The following DSCAM variants were observed in gnomAD, a reference collection of about 807,000 sequenced individuals.
DSCAM encodes cell adhesion molecule DSCAM.
A neutral mutation model predicts 217.7 loss-of-function variants in DSCAM; 47 were observed. That is an observed-to-expected ratio of 0.22 (90% CI 0.17 to 0.28). DSCAM has a LOEUF of 0.28. DSCAM is among the 10% of genes least tolerant of loss of function. DSCAM has a pLI of 1.00. For missense variants in DSCAM, 2,080 were observed against 2,618.3 expected, an observed-to-expected ratio of 0.79 and a Z score of 4.49; for synonymous variants, 1,056 against 1,015.3, an observed-to-expected ratio of 1.04 and a Z score of -0.76.
intron 11 of DSCAM, among the ~76,000 whole-genome samples, chr21:40,272,677 C>T (rs913315336): frequency 6.6e-6 from 1 of 152,126 alleles, no homozygotes; most frequent in African/African-American, 2.4e-5. Context: ...ACAGCCAGCA[C>T]CAGGCCATCC....
intron 2 of DSCAM, 129 bp from the exon 3 acceptor site, chr21:40,693,085 T>C: frequency 2.8e-6 from 3 of 1,069,956 alleles, no homozygotes; most frequent in South Asian, 2.3e-5. Context: ...GGAAAACAGT[T>C]AAGATGCCTA....
At chr21:40,647,756 C>G (rs2089964775) in intron 3 of DSCAM, among the ~76,000 whole-genome samples, 1 of 152,196 alleles carries the variant, frequency 6.6e-6, no homozygotes, top group Non-Finnish European at 1.5e-5. Context: ...TTTTTCATTT[C>G]ATAATGCAGA....
chr21:40,030,186 TCCCTCCCTCTCA>T (rs962281036), intron 32 of DSCAM, among the ~76,000 whole-genome samples: 9 of 152,284 alleles, frequency 5.9e-5, no homozygotes, highest in Admixed American at 4.6e-4. Flanking sequence ...GAAGGCTTGC[TCCCTCCCTCTCA>T]GCCTCCCTGC....
In DSCAM at chr21:40,396,820, T is replaced by C. The variant is rs116078133; in HGVS notation, c.509-27575A>G. ...AGTTTCTTTTGAATAAACATAGAAATTGACCCTCCCAGTCTTACAACTTGA... is the reference window on the plus strand; with the variant it reads ...AGTTTCTTTTGAATAAACATAGAAACTGACCCTCCCAGTCTTACAACTTGA... On this transcript the variant is annotated intron_variant, in intron 3 of 32. Transcript: ENST00000400454. 2.2e-3 allele frequency among the ~76,000 whole-genome samples: 341 copies of C among 152,282 alleles called. 2 individuals are homozygous for C. Among genetic ancestry groups the C allele is most frequent in the African/African-American group, 7.9e-3 (329 of 41,560 alleles).
intron 3 of DSCAM, among the ~76,000 whole-genome samples, chr21:40,544,839 T>C (rs1421445365): frequency 6.6e-6 from 1 of 151,946 alleles, no homozygotes; most frequent in Non-Finnish European, 1.5e-5. Context: ...CATTTGATAG[T>C]CAAATTGAAC....
At chr21:40,650,644 T>A (rs1812234) in intron 3 of DSCAM, among the ~76,000 whole-genome samples, 7 of 152,038 alleles carry the variant, frequency 4.6e-5, no homozygotes, top group East Asian at 3.9e-4. Context: ...GGCTGGGCAC[T>A]GTGGCTCACG....
chr21:40,635,553 C>T (rs373140573), intron 3 of DSCAM, among the ~76,000 whole-genome samples: 4 of 152,030 alleles, frequency 2.6e-5, no homozygotes, highest in African/African-American at 4.8e-5. Context: ...CAGTGTATGC[C>T]GGTGTGTGCG....
At chr21:40,620,386 G>GAAAGAAAGAGAA (rs1555872444) in intron 3 of DSCAM, among the ~76,000 whole-genome samples, 1 of 91,540 alleles carries the variant, frequency 1.1e-5, no homozygotes, top group African/African-American at 3.6e-5. Flanking sequence ...AAGAAAGAAA[G>GAAAGAAAGAGAA]AGAAAGAAAG....
At chr21:40,801,739 G>A (rs1008466966) in intron 1 of DSCAM, among the ~76,000 whole-genome samples, 6 of 152,212 alleles carry the variant, frequency 3.9e-5, no homozygotes, top group Non-Finnish European at 1.5e-5. Context: ...TATACATGTA[G>A]CGCTAATTCT....
At chr21:40,108,982 G>A (rs755977158) in intron 20 of DSCAM, among the ~76,000 whole-genome samples, 5 of 152,234 alleles carry the variant, frequency 3.3e-5, no homozygotes, top group Middle Eastern at 3.4e-3. Flanking sequence ...TTCCTTACAC[G>A]ATATACAAAA....
At chr21:40,239,526 G>A (rs2073120570) in intron 11 of DSCAM, among the ~76,000 whole-genome samples, 1 of 152,164 alleles carries the variant, frequency 6.6e-6, no homozygotes, top group Non-Finnish European at 1.5e-5. Flanking sequence ...TATAAGAGAG[G>A]AAATAAAATG....
At chr21:40,713,880 G>A (rs1179426385) in intron 1 of DSCAM, among the ~76,000 whole-genome samples, 1 of 152,128 alleles carries the variant, frequency 6.6e-6, no homozygotes, top group Non-Finnish European at 1.5e-5. Flanking sequence ...ACTAGGCCTG[G>A]GCACTCTCCG....
intron 3 of DSCAM, among the ~76,000 whole-genome samples, chr21:40,447,785 G>A (rs1357573925): frequency 6.6e-6 from 1 of 152,186 alleles, no homozygotes; most frequent in African/African-American, 2.4e-5. Flanking sequence ...AAATCAGACA[G>A]CTTATCTGTG....
At chr21:40,371,500 T>G (rs2074898618) in intron 3 of DSCAM, among the ~76,000 whole-genome samples, 1 of 151,758 alleles carries the variant, frequency 6.6e-6, no homozygotes, top group South Asian at 2.1e-4. Flanking sequence ...TGATAGGCCA[T>G]GAGTGGTGGC....
At chr21:40,773,759 C>T (rs1224864113) in intron 1 of DSCAM, among the ~76,000 whole-genome samples, 1 of 152,212 alleles carries the variant, frequency 6.6e-6, no homozygotes, top group East Asian at 1.9e-4. Flanking sequence ...GCTGTGAATT[C>T]TAGGGGAAGT....
intron 3 of DSCAM, among the ~76,000 whole-genome samples, chr21:40,684,883 T>C (rs2090456506): frequency 6.6e-6 from 1 of 152,204 alleles, no homozygotes; most frequent in African/African-American, 2.4e-5. Context: ...AAATTACATC[T>C]GATTGACTTA....
At chr21:40,211,963 CTT>C (rs538369747) in intron 11 of DSCAM, among the ~76,000 whole-genome samples, 6 of 131,780 alleles carry the variant, frequency 4.6e-5, no homozygotes, top group East Asian at 2.2e-4. Context: ...AATTCTGAAG[CTT>C]TTTTTTTTTT....
chr21:40,078,856 C>A lies in DSCAM; in HGVS notation c.4542G>T (p.Arg1514Ser), dbSNP rs908117385. ...TGGTCCAAACTGTGGTCCCAAAGGGCCTGTACTCTAGTGTGAAGGAGGTGA... is the reference window on the plus strand; with the variant it reads ...TGGTCCAAACTGTGGTCCCAAAGGGACTGTACTCTAGTGTGAAGGAGGTGA... Reference protein sequence around the residue: ...CPITSFTLEYRPFGTTVWTTA... With the variant: ...CPITSFTLEYSPFGTTVWTTA... The change falls in exon 26 of 33, where the codon AGG becomes AGT. Residue 1514 changes from arginine to serine, a missense_variant. Coordinates refer to ENST00000400454, the MANE Select transcript of DSCAM (RefSeq NM_001389.5). The A allele has an allele frequency of 6.2e-7, 1 of 1,614,220 alleles. No homozygotes were observed. The highest frequency in any genetic ancestry group is 8.5e-7 in the Non-Finnish European group (1 of 1,180,046).
chr21:40,709,341 CATTTT>C (rs1354142618), intron 1 of DSCAM, among the ~76,000 whole-genome samples: 7 of 152,214 alleles, frequency 4.6e-5, no homozygotes, highest in African/African-American at 1.4e-4. Context: ...ATATGTAAAA[CATTTT>C]ATTTTTTATT....
Sources: gnomAD v4.1 joint callset for allele counts (sites outside exome capture counted in the v4.1 genomes callset) on GRCh38, gnomAD v4.1.1 for gene constraint, MANE v1.5 for transcripts, NCBI Gene and HGNC (gene_info 2026-07-23, HGNC 2026-07-21) for gene names.